TOR1B: variants seen among roughly 807,000 people sequenced by gnomAD.
The protein encoded by TOR1B is torsin family 1 member B.
TOR1B carries 14 observed loss-of-function variants against 29.2 expected under a neutral mutation model. The ratio of observed to expected loss-of-function variants is 0.48; its 90% CI spans 0.32 to 0.75. The LOEUF is 0.75. Ranked by LOEUF, TOR1B falls within the 30% of genes least tolerant of loss-of-function variation. The pLI is 0.04. For synonymous variants in TOR1B, 166 were observed against 179.8 expected, an observed-to-expected ratio of 0.92 and a Z score of 0.62; for missense variants, 400 against 433.9, an observed-to-expected ratio of 0.92 and a Z score of 0.69.
intron 1 of TOR1B, 100 bp downstream of exon 1, chr9:129,803,511 C>G (rs939878193): frequency 1.8e-6 from 2 of 1,126,514 alleles, no homozygotes; most frequent in East Asian, 4.2e-5. Flanking sequence ...GGACCGGGCC[C>G]GTGGCATCTA....
intron 2 of TOR1B, chr9:129,804,586 GC>G: frequency 2.0e-6 from 1 of 498,588 alleles, no homozygotes; most frequent in Non-Finnish European, 3.5e-6. Context: ...AGGGCCTGGC[GC>G]CGTGGCTCAC....
At position 129,809,797 on chromosome 9, in the gene TOR1B, G is replaced by C; in HGVS notation, c.*214G>C. On this transcript the variant is annotated 3_prime_UTR_variant, in exon 5 of 5. Coordinates refer to ENST00000259339, the MANE Select transcript of TOR1B (RefSeq NM_014506.3). ...CAACTCACTGCAACCTCCGCTCCCG[G>C]TTTGAGTGATTCTCATGCCTCAGCC... is the stretch of plus-strand genomic sequence containing the variant. The C allele has an allele frequency of 7.2e-7, 1 of 1,394,608 alleles. No homozygotes were observed. The highest frequency in any genetic ancestry group is 9.3e-7 in the Non-Finnish European group (1 of 1,074,874). 86.4% of individuals were successfully genotyped at this position (1,394,608 alleles called of 1,614,324 possible).
In TOR1B at chr9:129,803,423, G is replaced by A. The variant is rs2030281700; in HGVS notation, c.199+12G>A. ...GCTCAACGCTTCGGGTACGGCGCGC[G>A]CGCGAGCTGTGGGTCGGCGCTGCGG... is the stretch of plus-strand genomic sequence containing the variant. On this transcript the variant is annotated intron_variant, in intron 1 of 4. Coordinates refer to ENST00000259339, the MANE Select transcript of TOR1B (RefSeq NM_014506.3). The A allele has an allele frequency of 1.3e-6, 2 of 1,509,346 alleles. No individual in the cohort carries two copies. The highest frequency in any genetic ancestry group is 5.4e-5 in the East Asian group (2 of 37,062). 93.5% of individuals were successfully genotyped at this position (1,509,346 alleles called of 1,614,324 possible).
rs777926994 is a variant in TOR1B, at chr9:129,803,407, T to C, written c.195T>C (p.Ala65=). 7 of 1,535,774 alleles carry C rather than the reference T, an allele frequency of 4.6e-6. No individual in the cohort carries two copies. The East Asian group carries it at 1.6e-4, about 35-fold the overall frequency. The part of the protein sequence containing the change: ...ECCREERPLN[A]SALKLDLEEK... The stretch of plus-strand genomic sequence containing the variant: ...GCCGCGAGGAGCGGCCGCTCAACGC[T>C]TCGGGTACGGCGCGCGCGCGAGCTG... Residue 65 remains alanine (A), a synonymous_variant, in exon 1 of 5, where the codon GCT becomes GCC. Coordinates refer to ENST00000259339, the MANE Select transcript of TOR1B (RefSeq NM_014506.3).
At chr9:129,804,818 C>T (rs1329542904) in intron 2 of TOR1B, among the ~76,000 whole-genome samples, 1 of 130,510 alleles carries the variant, frequency 7.7e-6, no homozygotes, top group African/African-American at 3.0e-5. Context: ...GCTGAGATCG[C>T]GCCACCGTAC....
Position 129,809,796 on chromosome 9 carries a change from G to T in TOR1B, c.*213G>T, listed in dbSNP as rs939321872. 3 of 1,395,390 alleles carry T rather than the reference G, an allele frequency of 2.1e-6. No homozygotes were observed. In the African/African-American group the frequency reaches 4.4e-5, roughly 20 times the overall value. The allele number at this position is 1,395,390 out of a possible 1,614,324, so 86.4% of individuals were successfully genotyped here. ...TCAACTCACTGCAACCTCCGCTCCCGGTTTGAGTGATTCTCATGCCTCAGC... is the reference window on the plus strand; with the variant it reads ...TCAACTCACTGCAACCTCCGCTCCCTGTTTGAGTGATTCTCATGCCTCAGC... On this transcript the variant is annotated 3_prime_UTR_variant, in exon 5 of 5. Transcript: ENST00000259339.
chr9:129,810,039 G>C lies in TOR1B; in HGVS notation c.*456G>C. The C allele has an allele frequency of 8.2e-7, 1 of 1,224,366 alleles. No homozygotes were observed. Among genetic ancestry groups the C allele is most frequent in the Non-Finnish European group, 1.1e-6 (1 of 946,892 alleles). The allele number at this position is 1,224,366 out of a possible 1,614,324, so 75.8% of individuals were successfully genotyped here. On this transcript the variant is annotated 3_prime_UTR_variant, in exon 5 of 5. Coordinates refer to ENST00000259339, the MANE Select transcript of TOR1B (RefSeq NM_014506.3). ...GACAGAAGTACCTGAAAACAGCTGT[G>C]CATGGCAGGCCCGGCAATAGCTTCT... is the stretch of plus-strand genomic sequence containing the variant.
At chr9:129,806,938 T>TA (rs1260700673) in intron 2 of TOR1B, among the ~76,000 whole-genome samples, 9 of 152,212 alleles carry the variant, frequency 5.9e-5, no homozygotes, top group African/African-American at 2.2e-4. Flanking sequence ...CTTATACCTT[T>TA]AAAAAGTCAG....
chr9:129,811,156 A>G lies in TOR1B; in HGVS notation c.*1573A>G, dbSNP rs1054238338. The stretch of plus-strand genomic sequence containing the variant: ...AAAAAACACCAAGGTGACGTTTAAA[A>G]TTTTTAGTACATATCCTCAAATTGG... On this transcript the variant is annotated 3_prime_UTR_variant, in exon 5 of 5. Coordinates refer to ENST00000259339, the MANE Select transcript of TOR1B (RefSeq NM_014506.3). 2.6e-5 allele frequency: 4 copies of G among 152,210 alleles called. No individual in the cohort carries two copies. Among genetic ancestry groups the G allele is most frequent in the African/African-American group, 9.6e-5 (4 of 41,452 alleles). 9.4% of individuals were successfully genotyped at this position (152,210 alleles called of 1,614,324 possible).
chr9:129,804,417 C>A, intron 2 of TOR1B, 79 bp downstream of exon 2: 1 of 1,544,940 alleles, frequency 6.5e-7, no homozygotes, highest in Non-Finnish European at 8.8e-7. Context: ...CTGGCCTCTG[C>A]TTCTCTTTCC....
intron 2 of TOR1B, among the ~76,000 whole-genome samples, chr9:129,805,245 G>C (rs1001151534): frequency 6.6e-6 from 1 of 151,668 alleles, no homozygotes; most frequent in Non-Finnish European, 1.5e-5. Flanking sequence ...ACCTGAGGTC[G>C]GGAGTTCGAG....
intron 2 of TOR1B, 134 bp from the exon 3 acceptor site, chr9:129,807,054 C>T (rs992045900): frequency 6.7e-6 from 5 of 742,176 alleles, no homozygotes; most frequent in East Asian, 5.3e-5. Flanking sequence ...TGCTACCTAG[C>T]GAGTGGGGGT....
At position 129,807,374 on chromosome 9, in the gene TOR1B, G is replaced by A; in HGVS notation, c.641+11G>A. ...CTTCATCTTTCTCAGGTCAGCGGGA[G>A]GCGGTTTTTTGGGGCACACAAGCCC... On this transcript the variant is annotated intron_variant, in intron 3 of 4. Coordinates refer to ENST00000259339, the MANE Select transcript of TOR1B (RefSeq NM_014506.3). The A allele has an allele frequency of 6.2e-7, 1 of 1,612,428 alleles. No individual in the cohort carries two copies. The highest frequency in any genetic ancestry group is 8.5e-7 in the Non-Finnish European group (1 of 1,178,820).
intron 2 of TOR1B, among the ~76,000 whole-genome samples, chr9:129,806,124 A>T (rs2130988861): frequency 6.6e-6 from 1 of 150,936 alleles, no homozygotes; most frequent in Non-Finnish European, 1.5e-5. Context: ...CTATCTCAAA[A>T]AAAAAAAAAA....
Position 129,810,035 on chromosome 9 carries a change from C to G in TOR1B, c.*452C>G. On this transcript the variant is annotated 3_prime_UTR_variant, in exon 5 of 5. Coordinates refer to ENST00000259339, the MANE Select transcript of TOR1B (RefSeq NM_014506.3). ...CCGAGACAGAAGTACCTGAAAACAG[C>G]TGTGCATGGCAGGCCCGGCAATAGC... The G allele has an allele frequency of 8.3e-7, 1 of 1,212,022 alleles. No individual in the cohort carries two copies. The highest frequency in any genetic ancestry group is 1.1e-6 in the Non-Finnish European group (1 of 942,720). 75.1% of individuals were successfully genotyped at this position (1,212,022 alleles called of 1,614,324 possible). A position where few individuals can be genotyped will look rare whatever the true frequency, so the allele number is the denominator to read the frequency against.
At chr9:129,807,439 C>G (rs1280453118) in intron 3 of TOR1B, 76 bp downstream of exon 3, 1 of 1,556,698 alleles carries the variant, frequency 6.4e-7, no homozygotes, top group African/African-American at 1.4e-5. Flanking sequence ...TGAGGACCAT[C>G]AGCACTTTGT....
chr9:129,805,532 A>G (rs771893460), intron 2 of TOR1B, among the ~76,000 whole-genome samples: 2 of 152,206 alleles, frequency 1.3e-5, no homozygotes, highest in African/African-American at 2.4e-5. Flanking sequence ...AAAACCTCCC[A>G]ACTCCCAGTT....
chr9:129,810,356 G>GGA lies in TOR1B; in HGVS notation c.*774_*775insAG. The GGA allele has an allele frequency of 9.6e-7, 1 of 1,045,338 alleles. No homozygotes were observed. The highest frequency in any genetic ancestry group is 1.3e-6 in the Non-Finnish European group (1 of 785,708). 64.8% of individuals were successfully genotyped at this position (1,045,338 alleles called of 1,614,324 possible). On this transcript the variant is annotated 3_prime_UTR_variant, in exon 5 of 5. Transcript: ENST00000259339. ...TGACCTGTGTGTGTGTGTGTGGGGG[G>GGA]GTGGGGCCTTCACCTAAGACCTCTG... is the stretch of plus-strand genomic sequence containing the variant.
intron 2 of TOR1B, among the ~76,000 whole-genome samples, chr9:129,805,271 A>G (rs1408736246): frequency 6.6e-6 from 1 of 152,072 alleles, no homozygotes; most frequent in Non-Finnish European, 1.5e-5. Context: ...CCTGACCAAC[A>G]TGGAGAAACC....
Sources: gnomAD v4.1 joint callset for allele counts (sites outside exome capture counted in the v4.1 genomes callset) on GRCh38, gnomAD v4.1.1 for gene constraint, MANE v1.5 for transcripts, NCBI Gene and HGNC (gene_info 2026-07-23, HGNC 2026-07-21) for gene names.